PHF2: variants seen among roughly 807,000 people sequenced by gnomAD.
PHF2 encodes lysine-specific demethylase PHF2.
A neutral mutation model predicts 120.5 loss-of-function variants in PHF2; 27 were observed. That is an observed-to-expected ratio of 0.22 (90% CI 0.17 to 0.31). The LOEUF is 0.31. Ranked by LOEUF, PHF2 falls within the 10% of genes least tolerant of loss-of-function variation. The pLI is 1.00. For synonymous variants in PHF2, 568 were observed against 592.5 expected, an observed-to-expected ratio of 0.96 and a Z score of 0.60; for missense variants, 1,024 against 1,434.8, an observed-to-expected ratio of 0.71 and a Z score of 4.63.
chr9:93,632,139 C>T (rs1826012515), intron 2 of PHF2, among the ~76,000 whole-genome samples: 1 of 152,162 alleles, frequency 6.6e-6, no homozygotes, highest in Non-Finnish European at 1.5e-5. Flanking sequence ...AGACCCTGCC[C>T]CTGTCCCTGC....
At chr9:93,626,396 C>T (rs751859669) in intron 1 of PHF2, among the ~76,000 whole-genome samples, 9 of 152,158 alleles carry the variant, frequency 5.9e-5, no homozygotes, top group Non-Finnish European at 1.0e-4. Flanking sequence ...AATGTCTGTT[C>T]AAAGTCCTTT....
intron 18 of PHF2, 91 bp downstream of exon 18, chr9:93,673,953 C>T (rs1564404619): frequency 3.6e-6 from 5 of 1,379,076 alleles, no homozygotes; most frequent in Non-Finnish European, 4.9e-6. Context: ...ATGCAGCTCT[C>T]CAAGTTACAG....
intron 2 of PHF2, among the ~76,000 whole-genome samples, chr9:93,635,239 C>T (rs1399111233): frequency 2.0e-5 from 3 of 152,164 alleles, no homozygotes; most frequent in Non-Finnish European, 2.9e-5. Flanking sequence ...CCTTCTCCTT[C>T]GTGTTGGTAG....
In PHF2 at chr9:93,626,946, C is replaced by T. The variant is rs1273645298; in HGVS notation, c.99-3024C>T. Among the ~76,000 whole-genome samples the T allele has an allele frequency of 5.3e-5, 8 of 152,290 alleles. No homozygotes were observed. In the East Asian group the frequency reaches 1.5e-3, roughly 29 times the overall value. On this transcript the variant is annotated intron_variant, in intron 1 of 21. Coordinates refer to ENST00000359246, the MANE Select transcript of PHF2 (RefSeq NM_005392.4). ...CTATTCCATTGATCTATATGTCTAT[C>T]CTTATGCCAGTGCCACACTGTTTTA...
rs767989188 is a variant in PHF2 at position 93,653,314 on chromosome 9, C to T, written c.738C>T (p.Thr246=). The change falls in exon 6 of 22, where the codon ACC becomes ACT. Residue 246 remains threonine, a synonymous_variant. Coordinates refer to ENST00000359246, the MANE Select transcript of PHF2 (RefSeq NM_005392.4). ...TAATCTGCGTGAAGGACAGTTACAC[C>T]GACTTCCACATCGACTCTGGGGGCG... The part of the protein sequence containing the change: ...YCLICVKDSY[T]DFHIDSGGAS... 36 of 1,613,884 alleles carry T rather than the reference C, an allele frequency of 2.2e-5. No individual in the cohort carries two copies. The Admixed American group carries it at 4.3e-4, about 19-fold the overall frequency.
intron 1 of PHF2, among the ~76,000 whole-genome samples, chr9:93,621,036 C>T (rs1006976237): frequency 6.6e-6 from 1 of 152,242 alleles, no homozygotes; most frequent in African/African-American, 2.4e-5. Flanking sequence ...GGCTGAATGC[C>T]CTGAGACTTA....
At position 93,659,540 on chromosome 9, in the gene PHF2, G is replaced by A. The variant is rs1826521663; in HGVS notation, c.1269G>A (p.Pro423=). 1.9e-6 allele frequency: 3 copies of A among 1,614,092 alleles called. No individual in the cohort carries two copies. The highest frequency in any genetic ancestry group is 2.5e-6 in the Non-Finnish European group (3 of 1,180,006). The change falls in exon 11 of 22, where the codon CCG becomes CCA. Residue 423 remains proline, a synonymous_variant. Coordinates refer to ENST00000359246, the MANE Select transcript of PHF2 (RefSeq NM_005392.4). ...QALAEHEDEL[P]EHFKPSQLIK... ...TGGCAGAGCATGAGGACGAGCTCCCGGAGCACTTCAAACCTTCACAGCTAA... is the reference window on the plus strand; with the variant it reads ...TGGCAGAGCATGAGGACGAGCTCCCAGAGCACTTCAAACCTTCACAGCTAA...
intron 1 of PHF2, among the ~76,000 whole-genome samples, chr9:93,604,831 T>G (rs1006584195): frequency 4.6e-5 from 6 of 130,412 alleles, no homozygotes; most frequent in South Asian, 2.2e-4. Context: ...ATCCTTGAAT[T>G]CTGAGCCTTT....
intron 1 of PHF2, among the ~76,000 whole-genome samples, chr9:93,613,526 C>T (rs921321054): frequency 7.4e-5 from 11 of 149,548 alleles, no homozygotes; most frequent in African/African-American, 1.7e-4. Context: ...CAGTAGGTCC[C>T]GGTGGAGATT....
At chr9:93,670,352 G>A (rs1486207320) in intron 17 of PHF2, among the ~76,000 whole-genome samples, 2 of 152,352 alleles carry the variant, frequency 1.3e-5, no homozygotes, top group Admixed American at 6.5e-5. Flanking sequence ...AGAAAGGGAC[G>A]TTGCAGGGTG....
At chr9:93,613,769 T>G (rs1251986217) in intron 1 of PHF2, among the ~76,000 whole-genome samples, 1 of 151,980 alleles carries the variant, frequency 6.6e-6, no homozygotes, top group Admixed American at 6.5e-5. Context: ...GAGAGTCTTA[T>G]TGTGTTGCCA....
At position 93,665,765 on chromosome 9, in the gene PHF2, G is replaced by T. The variant is rs750048636; in HGVS notation, c.2017G>T (p.Val673Leu). The stretch of plus-strand genomic sequence containing the variant: ...CTTCAAGGAGGACAAGCCCAAGCCC[G>T]TGCGGGATGAGTATGAGTACGTGTC... The part of the protein sequence containing the change: ...QNFKEDKPKP[V>L]RDEYEYVSDD... The change falls in exon 15 of 22, where the codon GTG (valine) becomes TTG (leucine). Residue 673 changes from valine to leucine, a missense_variant. Around this residue, in one of 2 missense-constraint regions of PHF2, gnomAD observed 677 missense variants for 857.4 expected, o/e 0.79. Transcript: ENST00000359246. 1.9e-6 allele frequency: 3 copies of T among 1,614,032 alleles called. No individual in the cohort carries two copies. Among genetic ancestry groups the T allele is most frequent in the Middle Eastern group, 1.6e-4 (1 of 6,084 alleles).
rs532482817 is a variant in PHF2, at chr9:93,676,510, T to C, written c.2833-84T>C. On this transcript the variant is annotated intron_variant, in intron 20 of 21. Transcript: ENST00000359246. ...CAGCCCTGCTGTGCTCAAGGGCCCC[T>C]GGCAAGGCCATGCCGGGAGCTCCCT... is the stretch of plus-strand genomic sequence containing the variant. 8.7e-6 allele frequency: 13 copies of C among 1,500,030 alleles called. No homozygotes were observed. The South Asian group carries it at 1.7e-4, about 20-fold the overall frequency. The allele number at this position is 1,500,030 out of a possible 1,614,324, so 92.9% of individuals were successfully genotyped here. A position where few individuals can be genotyped will look rare whatever the true frequency, so the allele number is the denominator to read the frequency against.
intron 17 of PHF2, among the ~76,000 whole-genome samples, chr9:93,669,418 T>A (rs1423601462): frequency 6.6e-6 from 1 of 152,244 alleles, no homozygotes; most frequent in East Asian, 1.9e-4. Context: ...GCAGCTTGTG[T>A]GGCAGGGGCA....
intron 12 of PHF2, among the ~76,000 whole-genome samples, chr9:93,661,878 G>A (rs997691043): frequency 2.0e-5 from 3 of 151,422 alleles, no homozygotes; most frequent in African/African-American, 7.3e-5. Flanking sequence ...ATGAGCAAAT[G>A]GATGGATGGA....
intron 1 of PHF2, among the ~76,000 whole-genome samples, chr9:93,600,774 G>A (rs1242541184): frequency 6.6e-6 from 1 of 152,122 alleles, no homozygotes; most frequent in Admixed American, 6.5e-5. Context: ...GAAGGGGACT[G>A]CTGCTCTGCT....
Position 93,677,807 on chromosome 9 carries a change from A to C in PHF2, c.*131A>C. On this transcript the variant is annotated 3_prime_UTR_variant, in exon 22 of 22. Coordinates refer to ENST00000359246, the MANE Select transcript of PHF2 (RefSeq NM_005392.4). The surrounding 1 kb of genome is among the most constrained non-coding windows in gnomAD (Gnocchi z 4.4). ...GCCTCTTCCCGGCTGCCATCTCCCC[A>C]ACAAGCGTCTGTCCCTTCAGCCGGC... 3.0e-6 allele frequency: 2 copies of C among 662,874 alleles called. No homozygotes were observed. The highest frequency in any genetic ancestry group is 5.4e-6 in the Non-Finnish European group (2 of 373,310). The allele number at this position is 662,874 out of a possible 1,614,324, so 41.1% of individuals were successfully genotyped here. A position where few individuals can be genotyped will look rare whatever the true frequency, so the allele number is the denominator to read the frequency against.
intron 1 of PHF2, among the ~76,000 whole-genome samples, chr9:93,597,220 C>T (rs930953134): frequency 2.4e-4 from 36 of 152,308 alleles, no homozygotes; most frequent in African/African-American, 7.0e-4. Flanking sequence ...TGAGCCATCG[C>T]GCCTGGCCTC....
At chr9:93,623,074 C>T (rs1206232600) in intron 1 of PHF2, among the ~76,000 whole-genome samples, 1 of 152,078 alleles carries the variant, frequency 6.6e-6, no homozygotes, top group African/African-American at 2.4e-5. Flanking sequence ...AGCCAGGGGC[C>T]AGGTGAGGGT....
Sources: gnomAD v4.1 joint callset for allele counts (sites outside exome capture counted in the v4.1 genomes callset) on GRCh38, gnomAD v4.1.1 for gene constraint, gnomAD v4.1.1 regional missense constraint, Gnocchi (gnomAD v3.1) non-coding constraint, MANE v1.5 for transcripts, NCBI Gene and HGNC (gene_info 2026-07-23, HGNC 2026-07-21) for gene names.